Variants in NFXL1 observed in about 807,000 individuals in gnomAD.
NFXL1 encodes the protein NF-X1-type zinc finger protein NFXL1.
Under a neutral mutation model 123.3 loss-of-function variants are expected in NFXL1, and 66 were observed. That is an observed-to-expected ratio of 0.54 (90% CI 0.44 to 0.66). The LOEUF is 0.66. NFXL1 is among the 30% of genes least tolerant of loss of function. The probability of loss-of-function intolerance (pLI) is 0.00; values close to 1 mark genes in which losing one functional copy is unlikely to be tolerated. For synonymous variants in NFXL1, 346 were observed against 360.8 expected, an observed-to-expected ratio of 0.96 and a Z score of 0.46; for missense variants, 944 against 1,125.6, an observed-to-expected ratio of 0.84 and a Z score of 2.31.
chr4:47,902,551 T>A (rs1490826988), intron 5 of NFXL1, among the ~76,000 whole-genome samples: 4 of 152,234 alleles, frequency 2.6e-5, no homozygotes, highest in Non-Finnish European at 5.9e-5. Flanking sequence ...TTGTACAATG[T>A]AATAATAATG....
chr4:47,850,115 G>C (rs979033742), intron 22 of NFXL1, among the ~76,000 whole-genome samples: 2 of 152,128 alleles, frequency 1.3e-5, no homozygotes, highest in African/African-American at 4.8e-5. Context: ...TTTATAAAAA[G>C]ATAGCAAAGG....
intron 3 of NFXL1, among the ~76,000 whole-genome samples, chr4:47,909,472 C>G (rs893171270): frequency 2.6e-5 from 4 of 152,084 alleles, no homozygotes; most frequent in Non-Finnish European, 4.4e-5. Flanking sequence ...AGTCACCTCT[C>G]CTCTGTAGAA....
Position 47,905,295 on chromosome 4 carries a change from A to C in NFXL1, c.458T>G (p.Phe153Cys). 1 of 1,604,386 alleles carries C rather than the reference A, an allele frequency of 6.2e-7. No homozygotes were observed. ...ERTKQYVNEA[F>C]QAGAMTCLIC... ...TAGGCATGTCATAGCCCCTGCTTGA[A>C]AAGCTTCATTTACATATTGTTTTGT... The change falls in exon 4 of 23, where the codon TTT (phenylalanine) becomes TGT (cysteine). Residue 153 changes from phenylalanine (F) to cysteine (C), a missense_variant. Phe to Cys is a radical substitution (Grantham distance 205, BLOSUM62 -2). Transcript: ENST00000507489.
chr4:47,894,160 T>G lies in NFXL1; in HGVS notation c.1452+20A>C, dbSNP rs1736940519. The G allele has an allele frequency of 6.4e-7, 1 of 1,571,462 alleles. No homozygotes were observed. Among genetic ancestry groups the G allele is most frequent in the Admixed American group, 1.8e-5 (1 of 54,226 alleles). The stretch of plus-strand genomic sequence containing the variant: ...CAATATAGTCTTTAAATCAGAGGTT[T>G]CCAAGGTTAATACACAAACCTTTCT... On this transcript the variant is annotated intron_variant, in intron 11 of 22. Coordinates refer to ENST00000507489, the MANE Select transcript of NFXL1 (RefSeq NM_001278624.2).
chr4:47,865,310 T>A (rs1051993975), intron 18 of NFXL1, among the ~76,000 whole-genome samples: 2 of 152,144 alleles, frequency 1.3e-5, no homozygotes, highest in Non-Finnish European at 2.9e-5. Flanking sequence ...TACTTTAATA[T>A]GTATTTAAGA....
At chr4:47,849,714 A>G (rs1734008726) in intron 22 of NFXL1, among the ~76,000 whole-genome samples, 2 of 152,146 alleles carry the variant, frequency 1.3e-5, no homozygotes, top group Non-Finnish European at 1.5e-5. Context: ...CACCAAGTAT[A>G]TATTATGTGC....
intron 12 of NFXL1, among the ~76,000 whole-genome samples, chr4:47,887,668 C>T (rs1358803746): frequency 6.6e-6 from 1 of 152,114 alleles, no homozygotes; most frequent in Non-Finnish European, 1.5e-5. Flanking sequence ...TGTTTCTATA[C>T]TTAACAATGA....
rs1420449629 is a variant in NFXL1, at chr4:47,848,287, T to G, written c.2612A>C (p.Asn871Thr). The G allele has an allele frequency of 6.2e-7, 1 of 1,612,944 alleles. No homozygotes were observed. The highest frequency in any genetic ancestry group is 1.1e-5 in the South Asian group (1 of 90,954). The change falls in exon 23 of 23, where the codon AAC becomes ACC. Residue 871 changes from asparagine to threonine, a missense_variant. Transcript: ENST00000507489. ...ENRLKGRRKK[N>T]RKRDEVAVEL... ...AACTGCCACTTCATCTCTTTTCCTGTTCTTCTTCCGACGACCCTTCAGTCT... is the reference window on the plus strand; with the variant it reads ...AACTGCCACTTCATCTCTTTTCCTGGTCTTCTTCCGACGACCCTTCAGTCT...
At chr4:47,860,009 T>TC (rs1288486668) in intron 19 of NFXL1, among the ~76,000 whole-genome samples, 1 of 151,982 alleles carries the variant, frequency 6.6e-6, no homozygotes, top group Non-Finnish European at 1.5e-5. Context: ...GGGATGTTAG[T>TC]CAAAGTATAC....
intron 18 of NFXL1, among the ~76,000 whole-genome samples, chr4:47,868,498 G>A (rs562579969): frequency 6.6e-6 from 1 of 150,960 alleles, no homozygotes; most frequent in African/African-American, 2.4e-5. Context: ...AGAACCAGGT[G>A]ATAAAATTAA....
intron 19 of NFXL1, among the ~76,000 whole-genome samples, chr4:47,861,655 T>C (rs1351201842): frequency 1.3e-5 from 2 of 152,210 alleles, no homozygotes; most frequent in Non-Finnish European, 2.9e-5. Flanking sequence ...GTTCAGGATT[T>C]GAATAATTCA....
intron 2 of NFXL1, among the ~76,000 whole-genome samples, chr4:47,912,793 A>G (rs1357343848): frequency 2.1e-5 from 3 of 139,756 alleles, no homozygotes; most frequent in Admixed American, 1.4e-4. Context: ...CGAGATGGAG[A>G]CCATCCTGGC....
chr4:47,878,709 G>T, intron 16 of NFXL1, 44 bp from the exon 17 acceptor site: 1 of 1,381,240 alleles, frequency 7.2e-7, no homozygotes, highest in Non-Finnish European at 9.5e-7. Flanking sequence ...TTACTCAAAC[G>T]TTTCTGGACA....
At chr4:47,861,808 AT>A (rs1443098390) in intron 19 of NFXL1, among the ~76,000 whole-genome samples, 11 of 152,220 alleles carry the variant, frequency 7.2e-5, no homozygotes, top group Non-Finnish European at 1.3e-4. Context: ...CAGATCTTAA[AT>A]CCATAAAAAG....
intron 18 of NFXL1, among the ~76,000 whole-genome samples, chr4:47,864,312 C>T (rs1012092156): frequency 6.6e-6 from 1 of 152,128 alleles, no homozygotes; most frequent in Non-Finnish European, 1.5e-5. Flanking sequence ...TATTGGTTTT[C>T]GTCCACGGTT....
intron 10 of NFXL1, among the ~76,000 whole-genome samples, 171 bp from the exon 11 acceptor site, chr4:47,894,473 T>C (rs1736960565): frequency 6.6e-6 from 1 of 152,122 alleles, no homozygotes; most frequent in African/African-American, 2.4e-5. Context: ...GCTTATATCT[T>C]ACTTTGTTCC....
chr4:47,863,928 T>C (rs1353614893), intron 18 of NFXL1, among the ~76,000 whole-genome samples: 1 of 152,224 alleles, frequency 6.6e-6, no homozygotes, highest in Non-Finnish European at 1.5e-5. Context: ...CTGTATTTTC[T>C]TACTTTTCCT....
chr4:47,897,837 G>T, intron 9 of NFXL1, 130 bp downstream of exon 9: 1 of 579,342 alleles, frequency 1.7e-6, no homozygotes, highest in East Asian at 3.0e-5. Flanking sequence ...CTTAAATTTT[G>T]TAGCTTTTTC....
intron 12 of NFXL1, among the ~76,000 whole-genome samples, chr4:47,887,288 G>A (rs1289368500): frequency 6.6e-6 from 1 of 152,022 alleles, no homozygotes; most frequent in African/African-American, 2.4e-5. Flanking sequence ...TAGGTGTCAG[G>A]ACCAAGCAAA....
Sources: allele counts gnomAD v4.1 joint callset (sites outside exome capture counted in the v4.1 genomes callset), GRCh38; gene constraint gnomAD v4.1.1; transcripts MANE v1.5; gene names NCBI Gene and HGNC (gene_info 2026-07-23, HGNC 2026-07-21).